SESTD1: variants seen among roughly 807,000 people sequenced by gnomAD.
SESTD1 encodes the protein SEC14 and spectrin domain containing 1.
SESTD1 carries 43 observed loss-of-function variants against 101.7 expected under a neutral mutation model. That is an observed-to-expected ratio of 0.42 (90% CI 0.33 to 0.55). The LOEUF is 0.55. SESTD1 is among the 20% of genes least tolerant of loss of function. The pLI is 0.07. For missense variants in SESTD1, 647 were observed against 815.1 expected (o/e 0.79, Z 2.51); for synonymous variants, 283 against 286.8 (o/e 0.99, Z 0.13).
At chr2:179,199,224 C>T (rs555741120) in intron 1 of SESTD1, among the ~76,000 whole-genome samples, 3 of 151,596 alleles carry the variant, frequency 2.0e-5, no homozygotes, top group African/African-American at 4.9e-5. Flanking sequence ...ATAAATTCCT[C>T]GACACATACA....
chr2:179,156,826 T>C (rs942549132), intron 5 of SESTD1, among the ~76,000 whole-genome samples: 5 of 152,362 alleles, frequency 3.3e-5, no homozygotes, highest in South Asian at 2.1e-4. Flanking sequence ...TTTAATTTCA[T>C]TAGGTCCCAG....
intron 1 of SESTD1, among the ~76,000 whole-genome samples, chr2:179,232,892 AGAG>A (rs1478891869): frequency 1.3e-5 from 2 of 152,212 alleles, no homozygotes. Flanking sequence ...CCTAGGAAGC[AGAG>A]GATAAGGGAT....
In SESTD1 at chr2:179,216,565, T is replaced by C. The variant is rs1217559915; in HGVS notation, c.-25-24699A>G. On this transcript the variant is annotated intron_variant, in intron 1 of 17. Coordinates refer to ENST00000428443, the MANE Select transcript of SESTD1 (RefSeq NM_178123.5). ...AAATGGCCATACTGCCCAAGGTTAA[T>C]TTATAGATTCAATGCCATCCCCATC... Among the ~76,000 whole-genome samples the C allele has an allele frequency of 2.2e-5, 3 of 135,160 alleles. 1 individual carries two copies. Among genetic ancestry groups the C allele is most frequent in the African/African-American group, 8.8e-5 (3 of 34,088 alleles). The allele number at this position is 135,160 out of a possible 152,430, so 88.7% of individuals were successfully genotyped here.
chr2:179,261,877 C>A (rs1256617299), intron 1 of SESTD1, among the ~76,000 whole-genome samples: 3 of 152,054 alleles, frequency 2.0e-5, no homozygotes, highest in Admixed American at 6.5e-5. Flanking sequence ...AGGTATACAT[C>A]CAAGAAAATT....
intron 1 of SESTD1, among the ~76,000 whole-genome samples, chr2:179,227,515 C>T (rs909004752): frequency 2.0e-5 from 3 of 152,082 alleles, no homozygotes; most frequent in Non-Finnish European, 2.9e-5. Flanking sequence ...TTTTGCCATC[C>T]ACTATCACTA....
intron 5 of SESTD1, among the ~76,000 whole-genome samples, chr2:179,159,651 C>A (rs2045696549): frequency 6.6e-6 from 1 of 152,278 alleles, no homozygotes; most frequent in East Asian, 1.9e-4. Flanking sequence ...TAAATTGTTT[C>A]ATTACAGCTT....
At chr2:179,258,691 G>GCA (rs138536083) in intron 1 of SESTD1, among the ~76,000 whole-genome samples, 50 of 151,334 alleles carry the variant, frequency 3.3e-4, no homozygotes, top group Middle Eastern at 3.4e-3. Flanking sequence ...GTGCATGCAT[G>GCA]CACACACACA....
Position 179,200,913 on chromosome 2 carries a change from T to C in SESTD1, c.-25-9047A>G, listed in dbSNP as rs1171906856. 3.7e-5 allele frequency among the ~76,000 whole-genome samples: 5 copies of C among 133,570 alleles called. 1 individual carries two copies. The highest frequency in any genetic ancestry group is 8.0e-5 in the Non-Finnish European group (5 of 62,410). 87.6% of individuals were successfully genotyped at this position (133,570 alleles called of 152,430 possible). A position where few individuals can be genotyped will look rare whatever the true frequency, so the allele number is the denominator to read the frequency against. Reference sequence around the variant, plus strand: ...AAAGCAATGGCAACAAAAGACAAAATTGACAAATGGGATCTAATTAAACTC... The same window carrying C: ...AAAGCAATGGCAACAAAAGACAAAACTGACAAATGGGATCTAATTAAACTC... On this transcript the variant is annotated intron_variant, in intron 1 of 17. Coordinates refer to ENST00000428443, the MANE Select transcript of SESTD1 (RefSeq NM_178123.5).
At chr2:179,137,447 T>C (rs1386239672) in intron 9 of SESTD1, among the ~76,000 whole-genome samples, 2 of 152,218 alleles carry the variant, frequency 1.3e-5, no homozygotes, top group Non-Finnish European at 2.9e-5. Context: ...ATGCAGTGTA[T>C]TCTATTTGGC....
At chr2:179,229,768 T>C (rs1335346604) in intron 1 of SESTD1, among the ~76,000 whole-genome samples, 1 of 125,052 alleles carries the variant, frequency 8.0e-6, no homozygotes, top group Non-Finnish European at 1.7e-5. Flanking sequence ...TATATATATA[T>C]ATATATACTC....
chr2:179,191,304 T>C (rs549511636), intron 2 of SESTD1, among the ~76,000 whole-genome samples: 1 of 152,300 alleles, frequency 6.6e-6, no homozygotes, highest in South Asian at 2.1e-4. Flanking sequence ...GAGGCCATCA[T>C]CCTAGGTGAA....
At chr2:179,166,126 A>T (rs1453749919) in intron 5 of SESTD1, among the ~76,000 whole-genome samples, 1 of 152,198 alleles carries the variant, frequency 6.6e-6, no homozygotes, top group Non-Finnish European at 1.5e-5. Flanking sequence ...CTAAGGCCAA[A>T]TGTGGGCTAG....
In SESTD1 at chr2:179,105,373, G is replaced by C. The variant is rs960377263; in HGVS notation, c.*4526C>G. On this transcript the variant is annotated 3_prime_UTR_variant, in exon 18 of 18. Coordinates refer to ENST00000428443, the MANE Select transcript of SESTD1 (RefSeq NM_178123.5). ...ATACTCATCACTTGTCTTCCATCTT[G>C]CTGTTCTATTATCTTCCTACAAAAA... is the stretch of plus-strand genomic sequence containing the variant. The C allele has an allele frequency of 2.6e-5, 4 of 151,952 alleles. No homozygotes were observed. Among genetic ancestry groups the C allele is most frequent in the Non-Finnish European group, 5.9e-5 (4 of 67,992 alleles). 9.4% of individuals were successfully genotyped at this position (151,952 alleles called of 1,614,324 possible). A position where few individuals can be genotyped will look rare whatever the true frequency, so the allele number is the denominator to read the frequency against.
chr2:179,170,770 T>C (rs1266745703), intron 5 of SESTD1, among the ~76,000 whole-genome samples: 1 of 152,180 alleles, frequency 6.6e-6, no homozygotes, highest in Admixed American at 6.5e-5. Context: ...GGCTGGAGAC[T>C]GAGTTAGTTA....
At chr2:179,218,167 T>C (rs570939255) in intron 1 of SESTD1, among the ~76,000 whole-genome samples, 1 of 152,178 alleles carries the variant, frequency 6.6e-6, no homozygotes, top group South Asian at 2.1e-4. Context: ...AACATACTAG[T>C]CCACATTCTT....
At chr2:179,195,510 T>G (rs919066891) in intron 1 of SESTD1, among the ~76,000 whole-genome samples, 9 of 152,210 alleles carry the variant, frequency 5.9e-5, no homozygotes, top group Admixed American at 5.2e-4. Context: ...GAAAACAGAC[T>G]AAATAGAAAC....
intron 1 of SESTD1, among the ~76,000 whole-genome samples, chr2:179,194,008 A>C (rs145367190): frequency 2.0e-5 from 3 of 152,110 alleles, no homozygotes; most frequent in East Asian, 3.9e-4. Flanking sequence ...ATCTCCACCA[A>C]ATCTGCTGAA....
intron 13 of SESTD1, among the ~76,000 whole-genome samples, chr2:179,119,647 G>A (rs535116954): frequency 3.3e-5 from 5 of 152,254 alleles, no homozygotes; most frequent in South Asian, 2.1e-4. Context: ...GTATAGCAGC[G>A]TGAGAATGGA....
At chr2:179,187,406 C>G (rs897953179) in intron 2 of SESTD1, among the ~76,000 whole-genome samples, 32 of 152,204 alleles carry the variant, frequency 2.1e-4, no homozygotes, top group African/African-American at 7.5e-4. Flanking sequence ...AGAAGGATCA[C>G]TTGAGCCCAG....
Sources: allele counts gnomAD v4.1 joint callset (sites outside exome capture counted in the v4.1 genomes callset), GRCh38; gene constraint gnomAD v4.1.1; transcripts MANE v1.5; gene names NCBI Gene and HGNC (gene_info 2026-07-23, HGNC 2026-07-21).